RRM2: variants seen among roughly 807,000 people sequenced by gnomAD.
RRM2 encodes the protein ribonucleotide reductase regulatory subunit M2.
RRM2 carries 6 observed loss-of-function variants against 45.9 expected under a neutral mutation model. That is an observed-to-expected ratio of 0.13 (90% CI 0.07 to 0.26). The LOEUF is 0.26. Ranked by LOEUF, RRM2 falls within the 10% of genes least tolerant of loss-of-function variation. The pLI is 1.00. For synonymous variants in RRM2, 177 were observed against 173.0 expected (o/e 1.02, Z -0.18); for missense variants, 343 against 489.5 (o/e 0.70, Z 2.82).
chr2:10,132,250 A>T (rs2125309262), downstream of RRM2, among the ~76,000 whole-genome samples: 1 of 152,314 alleles, frequency 6.6e-6, no homozygotes, highest in African/African-American at 2.4e-5. Flanking sequence ...TTAATTCAGG[A>T]AGATGGGGCG....
At chr2:10,209,302 CT>C (rs1664717580) in intron 3 of RRM2, among the ~76,000 whole-genome samples, 2 of 152,060 alleles carry the variant, frequency 1.3e-5, no homozygotes, top group South Asian at 4.1e-4. Context: ...AAGTGATCCA[CT>C]GATCTTGGCC....
At chr2:10,209,095 G>A (rs890003911) in intron 3 of RRM2, among the ~76,000 whole-genome samples, 4 of 129,934 alleles carry the variant, frequency 3.1e-5, no homozygotes, top group Admixed American at 8.6e-5. Context: ...TTATTCCATC[G>A]ACCAGGGCCT....
intron 3 of RRM2, among the ~76,000 whole-genome samples, chr2:10,145,076 G>T (rs561850817): frequency 6.6e-6 from 1 of 152,232 alleles, no homozygotes; most frequent in Admixed American, 6.5e-5. Context: ...GCTGCGGGAG[G>T]GAAAGGAGGG....
upstream of RRM2, among the ~76,000 whole-genome samples, chr2:10,140,745 G>A (rs549087052): frequency 6.6e-6 from 1 of 152,366 alleles, no homozygotes; most frequent in South Asian, 2.1e-4. Flanking sequence ...GGTGTCCCAC[G>A]TGGAGAAATG....
chr2:10,171,200 T>G lies in RRM2; in HGVS notation n.482+28825T>G, dbSNP rs906769996. On this transcript the variant is annotated intron_variant and non_coding_transcript_variant, in intron 3 of 3. Coordinates refer to the RRM2 transcript ENST00000381786. This position sits in a 1 kb window ranked among gnomAD's most constrained non-coding sequence, Gnocchi z 4.1. The stretch of plus-strand genomic sequence containing the variant: ...GAGGCCATACCCCTCCTCTGCTGGC[T>G]GGCAGCTTGGCCCAGCCTCCTCACT... Among the ~76,000 whole-genome samples, 3 of 152,252 alleles carry G rather than the reference T, an allele frequency of 2.0e-5. No homozygotes were observed. The highest frequency in any genetic ancestry group is 7.2e-5 in the African/African-American group (3 of 41,476).
chr2:10,171,468 A>G lies in RRM2; in HGVS notation n.482+29093A>G, dbSNP rs190843625. On this transcript the variant is annotated intron_variant and non_coding_transcript_variant, in intron 3 of 3. Transcript: ENST00000381786. The surrounding 1 kb of genome is among the most constrained non-coding windows in gnomAD (Gnocchi z 4.1). ...CCCCGGCCCTTCATGTCAGCTGGTG[A>G]CATTTCTGCAATTGTTCCTAAAGAG... 2.6e-3 allele frequency among the ~76,000 whole-genome samples: 398 copies of G among 152,294 alleles called. 3 individuals carry two copies. The highest frequency in any genetic ancestry group is 4.4e-3 in the Non-Finnish European group (298 of 68,030).
At chr2:10,187,720 G>A (rs1664197853) in intron 3 of RRM2, among the ~76,000 whole-genome samples, 2 of 152,190 alleles carry the variant, frequency 1.3e-5, no homozygotes, top group Admixed American at 6.5e-5. Context: ...CAGATGGGCC[G>A]GGCTGAGCCA....
At position 10,169,232 on chromosome 2, in the gene RRM2, C is replaced by A. The variant is rs1454768432; in HGVS notation, n.482+26857C>A. Among the ~76,000 whole-genome samples, 1 of 151,620 alleles carries A rather than the reference C, an allele frequency of 6.6e-6. No homozygotes were observed. Among genetic ancestry groups the A allele is most frequent in the Non-Finnish European group, 1.5e-5 (1 of 67,942 alleles). On this transcript the variant is annotated intron_variant and non_coding_transcript_variant, in intron 3 of 3. Transcript: ENST00000381786. This position sits in a 1 kb window ranked among gnomAD's most constrained non-coding sequence, Gnocchi z 5.1. ...CCCGGGCTCAATCCTCCTGCCTCAG[C>A]CTCCCACAGTGCTGGGATTACAGGT...
intron 3 of RRM2, among the ~76,000 whole-genome samples, chr2:10,188,936 G>A (rs550059652): frequency 2.0e-5 from 3 of 152,260 alleles, no homozygotes; most frequent in South Asian, 2.1e-4. Context: ...GGAGGGAGGC[G>A]CCGGCGCCCC....
Position 10,148,988 on chromosome 2 carries a change from C to T in RRM2, n.482+6613C>T, listed in dbSNP as rs146206971. On this transcript the variant is annotated intron_variant and non_coding_transcript_variant, in intron 3 of 3. Coordinates refer to the RRM2 transcript ENST00000381786. Reference sequence around the variant, plus strand: ...TTGAGCAATATTTGATGCTCCTCTGCGCACCTTTCCATTTCATCATGACTT... The same window carrying T: ...TTGAGCAATATTTGATGCTCCTCTGTGCACCTTTCCATTTCATCATGACTT... Among the ~76,000 whole-genome samples, 35 of 152,278 alleles carry T rather than the reference C, an allele frequency of 2.3e-4. No homozygotes were observed. The East Asian group carries it at 3.9e-3, about 17-fold the overall frequency.
At chr2:10,162,220 TGCCAG>T (rs1454930439) in intron 3 of RRM2, among the ~76,000 whole-genome samples, 1 of 152,206 alleles carries the variant, frequency 6.6e-6, no homozygotes, top group Admixed American at 6.5e-5. Context: ...ACAGCCGAGC[TGCCAG>T]GCCAGGCACA....
chr2:10,199,736 T>C (rs1254176589), intron 3 of RRM2, among the ~76,000 whole-genome samples: 5 of 124,794 alleles, frequency 4.0e-5, no homozygotes, highest in Non-Finnish European at 7.8e-5. Context: ...ACTGAGATCG[T>C]GCCACTGCAC....
At chr2:10,142,359 GC>G (rs758041964) in exon 3 of RRM2, 13 of 1,373,774 alleles carry the variant, frequency 9.5e-6, no homozygotes, top group Non-Finnish European at 1.3e-5. Context: ...GAAGCGGGAG[GC>G]AGTTGCAGCT....
chr2:10,167,295 T>C (rs1663703071), intron 3 of RRM2, among the ~76,000 whole-genome samples: 2 of 152,220 alleles, frequency 1.3e-5, no homozygotes, highest in Admixed American at 1.3e-4. Context: ...GGCAAATGAC[T>C]GGAAGCAAAA....
intron 3 of RRM2, among the ~76,000 whole-genome samples, chr2:10,196,688 C>G (rs895829970): frequency 3.3e-5 from 5 of 152,226 alleles, no homozygotes; most frequent in African/African-American, 1.2e-4. Flanking sequence ...AGGGAGCAGA[C>G]AAGAAACAGG....
At chr2:10,201,148 CAAA>C (rs146526701) in intron 3 of RRM2, among the ~76,000 whole-genome samples, 1 of 121,070 alleles carries the variant, frequency 8.3e-6, no homozygotes, top group African/African-American at 3.3e-5. Context: ...GATTCCATCT[CAAA>C]AAAAAAAAAA....
chr2:10,136,424 G>GTGTGGT (rs1662990893), upstream of RRM2, among the ~76,000 whole-genome samples: 1 of 152,124 alleles, frequency 6.6e-6, no homozygotes, highest in Non-Finnish European at 1.5e-5. Flanking sequence ...TTGGGTGTGG[G>GTGTGGT]TGTGGCCTTG....
chr2:10,202,758 GT>G (rs1321254464), intron 3 of RRM2, among the ~76,000 whole-genome samples: 2 of 152,148 alleles, frequency 1.3e-5, no homozygotes, highest in Non-Finnish European at 2.9e-5. Flanking sequence ...GATTTAGGTG[GT>G]TTTTAATCAA....
At chr2:10,147,155 G>T (rs960207032) in intron 3 of RRM2, among the ~76,000 whole-genome samples, 10 of 151,986 alleles carry the variant, frequency 6.6e-5, no homozygotes, top group Non-Finnish European at 1.3e-4. Flanking sequence ...GTTTCACCTT[G>T]TTGGCCAGGA....
Sources: allele counts gnomAD v4.1 joint callset (sites outside exome capture counted in the v4.1 genomes callset), GRCh38; gene constraint gnomAD v4.1.1; non-coding constraint Gnocchi (gnomAD v3.1); transcripts MANE v1.5; gene names NCBI Gene and HGNC (gene_info 2026-07-23, HGNC 2026-07-21).